SORCS2: variants seen among roughly 807,000 people sequenced by gnomAD.
SORCS2 encodes the protein VPS10 domain-containing receptor SorCS2.
A neutral mutation model predicts 141.6 loss-of-function variants in SORCS2; 100 were observed. The ratio of observed to expected loss-of-function variants is 0.71; its 90% CI spans 0.60 to 0.83. SORCS2 has a LOEUF of 0.83. Among genes scored for constraint, SORCS2 ranks in the 40% least tolerant of loss-of-function variants. The probability of loss-of-function intolerance (pLI) is 0.00; values close to 1 mark genes in which losing one functional copy is unlikely to be tolerated. For missense variants in SORCS2, 1,646 were observed against 1,560.2 expected (o/e 1.05, Z -0.93); for synonymous variants, 789 against 676.9 (o/e 1.17, Z -2.57).
chr4:7,564,309 C>T (rs953610591), intron 3 of SORCS2, among the ~76,000 whole-genome samples: 1 of 152,240 alleles, frequency 6.6e-6, no homozygotes, highest in Non-Finnish European at 1.5e-5. Context: ...TTCCTTGCCT[C>T]TCCTGGTTCT....
chr4:7,375,003 G>A (rs1722548648), intron 1 of SORCS2, among the ~76,000 whole-genome samples: 1 of 152,150 alleles, frequency 6.6e-6, no homozygotes, highest in South Asian at 2.1e-4. Flanking sequence ...AGAGGGCAAT[G>A]TCTGAGCAAA....
intron 3 of SORCS2, among the ~76,000 whole-genome samples, chr4:7,619,817 G>A (rs1482416773): frequency 6.6e-6 from 1 of 152,156 alleles, no homozygotes; most frequent in African/African-American, 2.4e-5. Context: ...CGGCCTTTAG[G>A]AGCACACGCA....
rs545461312 is a variant in SORCS2 at position 7,233,423 on chromosome 4, G to A, written c.480+40297G>A. On this transcript the variant is annotated intron_variant, in intron 1 of 26. Coordinates refer to ENST00000507866, the MANE Select transcript of SORCS2 (RefSeq NM_020777.3). The surrounding 1 kb of genome is among the most constrained non-coding windows in gnomAD (Gnocchi z 4.5). ...TCCTCCACAGCCTCCACAGCAGCCC[G>A]CAGGTTGCCATCCTGTTTCCATCCA... 3.5e-4 allele frequency among the ~76,000 whole-genome samples: 53 copies of A among 152,296 alleles called. No homozygotes were observed. The highest frequency in any genetic ancestry group is 1.0e-3 in the African/African-American group (42 of 41,560).
chr4:7,542,572 A>G (rs188964045), intron 3 of SORCS2, among the ~76,000 whole-genome samples: 6 of 152,210 alleles, frequency 3.9e-5, no homozygotes, highest in Non-Finnish European at 7.4e-5. Flanking sequence ...CTTGGAATGG[A>G]TTCTCTCCCA....
chr4:7,433,463 TG>T, intron 2 of SORCS2: 2 of 1,567,190 alleles, frequency 1.3e-6, no homozygotes, highest in Non-Finnish European at 1.7e-6. Flanking sequence ...AGTGGGGTCC[TG>T]GGGCCGTGGC....
intron 1 of SORCS2, among the ~76,000 whole-genome samples, chr4:7,260,853 G>A (rs527877918): frequency 6.6e-6 from 1 of 152,308 alleles, no homozygotes; most frequent in East Asian, 1.9e-4. Context: ...GCTGCTGCTC[G>A]TGTTCTTACA....
intron 1 of SORCS2, among the ~76,000 whole-genome samples, chr4:7,302,088 G>A (rs1347845797): frequency 6.6e-6 from 1 of 152,234 alleles, no homozygotes; most frequent in Non-Finnish European, 1.5e-5. Context: ...GCCGGTCTTA[G>A]CACTTGATGA....
chr4:7,380,970 T>C (rs537631206), intron 1 of SORCS2, among the ~76,000 whole-genome samples: 39 of 151,496 alleles, frequency 2.6e-4, no homozygotes, highest in African/African-American at 9.0e-4. Context: ...TAGTCCCAGC[T>C]ACTCGGGAGG....
At chr4:7,692,561 T>C (rs538851910) in intron 11 of SORCS2, among the ~76,000 whole-genome samples, 1 of 152,304 alleles carries the variant, frequency 6.6e-6, no homozygotes, top group South Asian at 2.1e-4. Context: ...CCTGCCCCCA[T>C]GCCAGGCACT....
At chr4:7,247,038 C>T (rs1483085128) in intron 1 of SORCS2, among the ~76,000 whole-genome samples, 1 of 152,180 alleles carries the variant, frequency 6.6e-6, no homozygotes, top group Non-Finnish European at 1.5e-5. Context: ...GAAGTGTCTG[C>T]ATAACAAGCC....
chr4:7,226,057 G>A (rs1197504286), intron 1 of SORCS2, among the ~76,000 whole-genome samples: 4 of 152,188 alleles, frequency 2.6e-5, no homozygotes, highest in African/African-American at 9.7e-5. Flanking sequence ...GTGAGAAAAC[G>A]TGGCTCCGGA....
intron 2 of SORCS2, among the ~76,000 whole-genome samples, chr4:7,426,439 G>A (rs1402214102): frequency 2.6e-5 from 4 of 152,208 alleles, no homozygotes; most frequent in Non-Finnish European, 5.9e-5. Flanking sequence ...GTTGCAAAGT[G>A]TTGTAGGCCA....
intron 1 of SORCS2, among the ~76,000 whole-genome samples, chr4:7,313,577 T>C (rs1718345261): frequency 6.6e-6 from 1 of 152,124 alleles, no homozygotes; most frequent in Admixed American, 6.6e-5. Flanking sequence ...AAGACCTCTT[T>C]GGGCCATGCC....
At chr4:7,435,338 G>C (rs542137728) in intron 2 of SORCS2, among the ~76,000 whole-genome samples, 186 of 152,278 alleles carry the variant, frequency 1.2e-3, no homozygotes, top group African/African-American at 4.3e-3. Flanking sequence ...GTACGGAAAG[G>C]CACCCTCTGC....
intron 2 of SORCS2, among the ~76,000 whole-genome samples, chr4:7,479,740 G>A (rs1219660459): frequency 2.6e-5 from 4 of 152,250 alleles, no homozygotes; most frequent in Non-Finnish European, 5.9e-5. Context: ...CCCCAACTCT[G>A]CATGGTTCTA....
intron 2 of SORCS2, among the ~76,000 whole-genome samples, chr4:7,516,379 C>G (rs1366955922): frequency 6.6e-6 from 1 of 152,146 alleles, no homozygotes; most frequent in African/African-American, 2.4e-5. Context: ...TCCCATCTGG[C>G]CTGTTGTTAG....
chr4:7,657,595 G>A (rs548416522), intron 5 of SORCS2, among the ~76,000 whole-genome samples: 14 of 152,218 alleles, frequency 9.2e-5, no homozygotes, highest in South Asian at 2.1e-4. Context: ...ATGAATGAGC[G>A]GGTGAGTGAG....
At chr4:7,678,347 C>T (rs1723299499) in intron 9 of SORCS2, among the ~76,000 whole-genome samples, 1 of 150,782 alleles carries the variant, frequency 6.6e-6, no homozygotes. Context: ...ACCCACCGTC[C>T]ACCAGCTGGG....
chr4:7,378,069 T>G (rs1196611934), intron 1 of SORCS2, among the ~76,000 whole-genome samples: 1 of 152,226 alleles, frequency 6.6e-6, no homozygotes, highest in Non-Finnish European at 1.5e-5. Flanking sequence ...ATAATTAGAC[T>G]AGCTGAACTA....
Sources: allele counts gnomAD v4.1 joint callset (sites outside exome capture counted in the v4.1 genomes callset), GRCh38; gene constraint gnomAD v4.1.1; non-coding constraint Gnocchi (gnomAD v3.1); transcripts MANE v1.5; gene names NCBI Gene and HGNC (gene_info 2026-07-23, HGNC 2026-07-21).